The following CSTPP1 variants were observed in gnomAD, a reference collection of about 807,000 sequenced individuals.
The protein encoded by CSTPP1 is centriolar satellite-associated tubulin polyglutamylase complex regulator 1, also known as UPF0705 protein C11orf49.
the CSTPP1 span, chr11:47,159,572 G>A: frequency 4.4e-6 from 2 of 453,504 alleles, no homozygotes; most frequent in South Asian, 3.1e-5. Context: ...GAGGCGGGTG[G>A]GATCTGCCCT....
At chr11:47,072,120 C>G in the CSTPP1 span, among the ~76,000 whole-genome samples, 18 of 152,300 alleles carry the variant, frequency 1.2e-4, no homozygotes, top group African/African-American at 4.3e-4. Flanking sequence ...TTTCCTCACC[C>G]TTCATCTTTG....
the CSTPP1 span, among the ~76,000 whole-genome samples, chr11:46,959,660 T>C: frequency 5.9e-5 from 9 of 152,156 alleles, no homozygotes. Flanking sequence ...AGGGTGTGCT[T>C]GTTTTTTGTT....
the CSTPP1 span, among the ~76,000 whole-genome samples, chr11:47,100,847 G>T: frequency 7.1e-6 from 1 of 141,374 alleles, no homozygotes; most frequent in South Asian, 2.4e-4. Context: ...CAGTATTACA[G>T]TATAACCTTC....
the CSTPP1 span, among the ~76,000 whole-genome samples, chr11:47,012,634 T>C: frequency 6.6e-6 from 1 of 152,064 alleles, no homozygotes; most frequent in Admixed American, 6.6e-5. Context: ...TTGTGACCAT[T>C]GACTTCCATT....
the CSTPP1 span, chr11:47,155,485 C>G: frequency 1.7e-6 from 1 of 583,842 alleles, no homozygotes; most frequent in Non-Finnish European, 3.1e-6. Flanking sequence ...CACTGAACAC[C>G]GCAGTGTTTT....
At chr11:47,074,373 C>A in the CSTPP1 span, among the ~76,000 whole-genome samples, 33 of 151,200 alleles carry the variant, frequency 2.2e-4, no homozygotes, top group Admixed American at 3.3e-4. Context: ...TAGTGGCTCA[C>A]GCCTCTGGCC....
the CSTPP1 span, among the ~76,000 whole-genome samples, chr11:47,134,700 A>G: frequency 1.3e-5 from 2 of 152,190 alleles, no homozygotes; most frequent in African/African-American, 4.8e-5. Flanking sequence ...CTTGTTCATC[A>G]TAATGGGGAG....
chr11:46,992,140 A>G, the CSTPP1 span, among the ~76,000 whole-genome samples: 1 of 152,128 alleles, frequency 6.6e-6, no homozygotes, highest in Non-Finnish European at 1.5e-5. Context: ...CAGTATCTAT[A>G]TTTTAAGTTA....
the CSTPP1 span, among the ~76,000 whole-genome samples, chr11:46,998,995 CT>C: frequency 1.3e-5 from 2 of 152,070 alleles, no homozygotes; most frequent in Non-Finnish European, 2.9e-5. Flanking sequence ...CTGCCTCGGC[CT>C]TCCAAAGTGC....
the CSTPP1 span, chr11:47,161,964 T>G: frequency 9.4e-7 from 1 of 1,066,890 alleles, no homozygotes; most frequent in South Asian, 3.5e-5. Flanking sequence ...AGCCAGCCTC[T>G]GCGGGTCCCC....
the CSTPP1 span, among the ~76,000 whole-genome samples, chr11:47,075,286 G>A: frequency 6.4e-5 from 6 of 93,338 alleles, no homozygotes; most frequent in African/African-American, 1.7e-4. Context: ...CAGGAGAATC[G>A]GTTGAACCCA....
At chr11:46,948,425 T>C in the CSTPP1 span, among the ~76,000 whole-genome samples, 1 of 152,230 alleles carries the variant, frequency 6.6e-6, no homozygotes, top group Admixed American at 6.5e-5. Context: ...ATTGTGTATA[T>C]AGCCACACAA....
At chr11:47,010,846 A>AT in the CSTPP1 span, among the ~76,000 whole-genome samples, 9 of 151,672 alleles carry the variant, frequency 5.9e-5, no homozygotes, top group South Asian at 1.3e-3. Context: ...TCCCTGGTAA[A>AT]TTTTTTTTTC....
At chr11:47,153,248 G>C in the CSTPP1 span, among the ~76,000 whole-genome samples, 2 of 152,136 alleles carry the variant, frequency 1.3e-5, no homozygotes, top group East Asian at 3.9e-4. Context: ...TTAGTCCTGT[G>C]AACTACTGAC....
chr11:47,069,380 G>A, the CSTPP1 span, among the ~76,000 whole-genome samples: 1 of 152,168 alleles, frequency 6.6e-6, no homozygotes, highest in Non-Finnish European at 1.5e-5. Context: ...TGAGATGAAT[G>A]TATGATTTTG....
chr11:46,977,488 T>C, the CSTPP1 span, among the ~76,000 whole-genome samples: 1 of 152,222 alleles, frequency 6.6e-6, no homozygotes, highest in Admixed American at 6.5e-5. Context: ...TATATCTTTT[T>C]CTTTATTTTT....
At chr11:47,038,469 T>A in the CSTPP1 span, among the ~76,000 whole-genome samples, 2 of 101,614 alleles carry the variant, frequency 2.0e-5, no homozygotes, top group Admixed American at 1.0e-4. Flanking sequence ...CCCCCCCACC[T>A]CCCTCCCGGA....
At chr11:47,103,262 T>G in the CSTPP1 span, among the ~76,000 whole-genome samples, 21 of 151,910 alleles carry the variant, frequency 1.4e-4, no homozygotes, top group Non-Finnish European at 2.6e-4. Context: ...TATCCTGGTG[T>G]GGTGGCACAT....
chr11:46,948,174 C>A, the CSTPP1 span: 2 of 456,204 alleles, frequency 4.4e-6, no homozygotes, highest in Non-Finnish European at 8.8e-6. Flanking sequence ...CGTAAGTAGG[C>A]AACACACAAA....
Sources: allele counts gnomAD v4.1 joint callset (sites outside exome capture counted in the v4.1 genomes callset), GRCh38; gene constraint gnomAD v4.1.1; transcripts MANE v1.5; gene names NCBI Gene and HGNC (gene_info 2026-07-23, HGNC 2026-07-21).